PPIE: variants seen among roughly 807,000 people sequenced by gnomAD.
The protein encoded by PPIE is peptidyl-prolyl cis-trans isomerase E.
In PPIE, 20 loss-of-function variants were observed where a neutral mutation model predicts 38.4. The ratio of observed to expected loss-of-function variants is 0.52; its 90% CI spans 0.37 to 0.76. PPIE has a LOEUF of 0.76. PPIE is among the 30% of genes least tolerant of loss of function. The pLI is 0.00. For missense variants in PPIE, 322 were observed against 385.8 expected, an observed-to-expected ratio of 0.83 and a Z score of 1.39; for synonymous variants, 142 against 135.7, an observed-to-expected ratio of 1.05 and a Z score of -0.32.
chr1:39,763,328 G>A (rs904167313), intron 9 of PPIE: 53 of 944,214 alleles, frequency 5.6e-5, no homozygotes, highest in East Asian at 2.2e-4. Context: ...AGGAACCCCC[G>A]GCAGAAAAGG....
intron 4 of PPIE, chr1:39,742,864 C>G (rs897051759): frequency 5.8e-6 from 1 of 172,154 alleles, no homozygotes; most frequent in African/African-American, 2.4e-5. Context: ...TATCCATTCA[C>G]CAAACATATT....
At chr1:39,742,824 A>C (rs2124303693) in intron 4 of PPIE, 1 of 155,252 alleles carries the variant, frequency 6.4e-6, no homozygotes, top group Admixed American at 6.5e-5. Context: ...ATCTTTGGAT[A>C]ATGAGATGTT....
At chr1:39,761,081 C>T, downstream of PPIE, 1 of 157,990 alleles carries the variant, frequency 6.3e-6, no homozygotes, top group Non-Finnish European at 1.4e-5. Flanking sequence ...GCCCTCAGCA[C>T]TTCAAGGCCC....
downstream of PPIE, chr1:39,759,182 G>A (rs1484051928): frequency 6.6e-6 from 1 of 152,322 alleles, no homozygotes; most frequent in African/African-American, 2.4e-5. Flanking sequence ...CAGAGGCTGA[G>A]ACAAACCTCT....
At chr1:39,759,344 C>T (rs1283714161), downstream of PPIE, 5 of 152,318 alleles carry the variant, frequency 3.3e-5, no homozygotes, top group Non-Finnish European at 5.9e-5. Flanking sequence ...TGGCCTCGCC[C>T]CAGACCCGGT....
intron 2 of PPIE, 33 bp from the exon 3 acceptor site, chr1:39,741,333 G>A (rs752184670): frequency 3.1e-6 from 5 of 1,607,404 alleles, no homozygotes; most frequent in Admixed American, 1.7e-5. Context: ...ACCCCACATA[G>A]TAATTACTTG....
At chr1:39,759,167 A>G (rs1166634773), downstream of PPIE, 1 of 152,172 alleles carries the variant, frequency 6.6e-6, no homozygotes, top group Non-Finnish European at 1.5e-5. Context: ...AGTTTCCGAG[A>G]ACAGCAGAGG....
chr1:39,758,785 G>A (rs1196745874), downstream of PPIE: 1 of 152,278 alleles, frequency 6.6e-6, no homozygotes, highest in East Asian at 1.9e-4. Context: ...GACAGCCTGG[G>A]GCTGCCCTTT....
chr1:39,744,114 C>T (rs1484799851), intron 6 of PPIE, among the ~76,000 whole-genome samples, 190 bp downstream of exon 6: 1 of 152,096 alleles, frequency 6.6e-6, no homozygotes, highest in Non-Finnish European at 1.5e-5. Context: ...CGAGTGAATT[C>T]AAGGGCGAAA....
At chr1:39,745,714 TAAA>T (rs1647186182) in intron 7 of PPIE, 1 of 576,880 alleles carries the variant, frequency 1.7e-6, no homozygotes, top group African/African-American at 1.9e-5. Flanking sequence ...AATCGTTTTT[TAAA>T]AATACAAGTA....
downstream of PPIE, chr1:39,758,803 T>C (rs1648562293): frequency 6.6e-6 from 1 of 152,280 alleles, no homozygotes; most frequent in Non-Finnish European, 1.5e-5. Flanking sequence ...TTTGCGTACA[T>C]GGGAGGGTCT....
At chr1:39,746,734 T>C (rs556627016) in intron 7 of PPIE, 1 of 152,380 alleles carries the variant, frequency 6.6e-6, no homozygotes, top group South Asian at 2.1e-4. Flanking sequence ...TTTTACCAGC[T>C]TAAGATTCAG....
chr1:39,762,796 G>A (rs1382482356), intron 9 of PPIE: 3 of 1,265,146 alleles, frequency 2.4e-6, no homozygotes, highest in African/African-American at 1.5e-5. Context: ...GTGCCTCTGA[G>A]CGCTGCACAC....
intron 5 of PPIE, among the ~76,000 whole-genome samples, chr1:39,743,616 C>T (rs889383522): frequency 2.6e-5 from 4 of 152,140 alleles, no homozygotes; most frequent in African/African-American, 7.2e-5. Context: ...CCTTTGCTTT[C>T]GGCATAGCTA....
Position 39,755,274 on chromosome 1 carries a change from TGAGCCAG to T in PPIE, c.*1923_*1929del. On this transcript the variant is annotated 3_prime_UTR_variant, in exon 10 of 10. Transcript: ENST00000324379. ...TTTGCATCTTGGATTGAGATCTGGA[TGAGCCAG>T]GAGGCAGGAGAGGCTAGGTGGTCCT... is the stretch of plus-strand genomic sequence containing the variant. The T allele has an allele frequency of 1.0e-6, 1 of 985,478 alleles. No homozygotes were observed. The highest frequency in any genetic ancestry group is 1.2e-6 in the Non-Finnish European group (1 of 829,938). 61.0% of individuals were successfully genotyped at this position (985,478 alleles called of 1,614,324 possible).
At chr1:39,742,142 TGACCA>T in intron 4 of PPIE, 3 of 541,358 alleles carry the variant, frequency 5.5e-6, no homozygotes, top group Non-Finnish European at 6.6e-6. Flanking sequence ...TCATCCTTGT[TGACCA>T]GTCTCTCACT....
rs1648086670 is a variant in PPIE, at chr1:39,754,720, T to C, written c.*1365T>C. 6.6e-6 allele frequency among the ~76,000 whole-genome samples: 1 copy of C among 151,994 alleles called. No homozygotes were observed. Among genetic ancestry groups the C allele is most frequent in the Non-Finnish European group, 1.5e-5 (1 of 67,990 alleles). On this transcript the variant is annotated 3_prime_UTR_variant, in exon 10 of 10. Transcript: ENST00000324379. ...TAGGGGGAGAAAAAAAAGCCAGGTA[T>C]GGTAGTGCACACCTATAGTCCCAGC... is the stretch of plus-strand genomic sequence containing the variant.
rs1648219943 is a variant in PPIE, at chr1:39,755,940, A to G, written c.*2585A>G. On this transcript the variant is annotated 3_prime_UTR_variant, in exon 10 of 10. Transcript: ENST00000324379. ...TCTTCAGTAGTAATGGAGTCCTGGG[A>G]GGTTTACTAGGCTTTAGCCTCAATC... is the stretch of plus-strand genomic sequence containing the variant. The G allele has an allele frequency of 1.0e-6, 1 of 985,232 alleles. No homozygotes were observed. Among genetic ancestry groups the G allele is most frequent in the South Asian group, 4.7e-5 (1 of 21,286 alleles). 61.0% of individuals were successfully genotyped at this position (985,232 alleles called of 1,614,324 possible).
Position 39,741,882 on chromosome 1 carries a change from C to G in PPIE, c.175-13C>G. The G allele has an allele frequency of 6.2e-7, 1 of 1,614,232 alleles. No homozygotes were observed. The highest frequency in any genetic ancestry group is 8.5e-7 in the Non-Finnish European group (1 of 1,180,018). ...TGCAAGCCTAAACTTGTACCTTTGTCTTTCCTTGGCAGGATGCTGCAGCAG... is the reference window on the plus strand; with the variant it reads ...TGCAAGCCTAAACTTGTACCTTTGTGTTTCCTTGGCAGGATGCTGCAGCAG... On this transcript the variant is annotated splice_polypyrimidine_tract_variant and intron_variant, in intron 3 of 9. Coordinates refer to ENST00000324379, the MANE Select transcript of PPIE (RefSeq NM_006112.4).
Sources: gnomAD v4.1 joint callset for allele counts (sites outside exome capture counted in the v4.1 genomes callset) on GRCh38, gnomAD v4.1.1 for gene constraint, MANE v1.5 for transcripts, NCBI Gene and HGNC (gene_info 2026-07-23, HGNC 2026-07-21) for gene names.